MAML2: variants seen among roughly 807,000 people sequenced by gnomAD.
MAML2 encodes the protein mastermind-like protein 2.
A neutral mutation model predicts 96.1 loss-of-function variants in MAML2; 22 were observed. That is an observed-to-expected ratio of 0.23 (90% CI 0.16 to 0.33). MAML2 has a LOEUF of 0.33. Ranked by LOEUF, MAML2 falls within the 10% of genes least tolerant of loss-of-function variation. The pLI is 1.00. For synonymous variants in MAML2, 561 were observed against 521.3 expected (o/e 1.08, Z -1.04); for missense variants, 1,367 against 1,392.4 (o/e 0.98, Z 0.29).
At chr11:96,246,788 AT>A (rs1473275515) in intron 1 of MAML2, among the ~76,000 whole-genome samples, 2 of 152,088 alleles carry the variant, frequency 1.3e-5, no homozygotes, top group Non-Finnish European at 2.9e-5. Flanking sequence ...AATGTAATAT[AT>A]ACAGTTTGAG....
chr11:96,105,834 T>G (rs148709855), intron 1 of MAML2, among the ~76,000 whole-genome samples: 81 of 151,502 alleles, frequency 5.3e-4, no homozygotes, highest in African/African-American at 1.9e-3. Flanking sequence ...ACTAGCTCTA[T>G]GAAATATGAA....
At chr11:96,145,749 T>TACTTTGGGAGGCCCAAA (rs1860805119) in intron 1 of MAML2, among the ~76,000 whole-genome samples, 2 of 152,234 alleles carry the variant, frequency 1.3e-5, no homozygotes, top group African/African-American at 4.8e-5. Flanking sequence ...GGCTCATGCT[T>TACTTTGGGAGGCCCAAA]GTAATCCCAG....
Position 96,299,060 on chromosome 11 carries a change from A to AATATATATATATATAT in MAML2, c.513+42307_513+42322dup, listed in dbSNP as rs1555037073. On this transcript the variant is annotated intron_variant, in intron 1 of 4. Coordinates refer to ENST00000524717, the MANE Select transcript of MAML2 (RefSeq NM_032427.4). ...AGTCCATCTCAAAAAAAAAAAAAAA[A>AATATATATATATATAT]ATATATATATATATATATATAAAAT... Among the ~76,000 whole-genome samples, 154 of 56,230 alleles carry AATATATATATATATAT rather than the reference A, an allele frequency of 2.7e-3. 1 individual carries two copies. Among genetic ancestry groups the AATATATATATATATAT allele is most frequent in the East Asian group, 0.013 (20 of 1,588 alleles). 36.9% of individuals were successfully genotyped at this position (56,230 alleles called of 152,430 possible).
At chr11:96,016,680 A>G (rs12576664) in intron 2 of MAML2, among the ~76,000 whole-genome samples, 1,599 of 152,332 alleles carry the variant, frequency 0.01, 19 homozygotes, top group East Asian at 0.049. Flanking sequence ...TCATATAAAC[A>G]CAAATATGCA....
chr11:96,058,202 G>T (rs915686934), intron 2 of MAML2, among the ~76,000 whole-genome samples: 38 of 152,204 alleles, frequency 2.5e-4, no homozygotes, highest in African/African-American at 8.7e-4. Context: ...ATGCCTTCTG[G>T]CAAGCTGGCC....
rs1026238673 is a variant in MAML2 at position 96,073,469 on chromosome 11, C to A, written c.2139+18423G>T. Among the ~76,000 whole-genome samples the A allele has an allele frequency of 9.2e-5, 14 of 152,004 alleles. No individual in the cohort carries two copies. In the East Asian group the frequency reaches 2.5e-3, roughly 27 times the overall value. ...CCAAGTAGCTGGGACTACAGGCGCCCGCCACCATGCCTGGCTAATTTTTTG... is the reference window on the plus strand; with the variant it reads ...CCAAGTAGCTGGGACTACAGGCGCCAGCCACCATGCCTGGCTAATTTTTTG... On this transcript the variant is annotated intron_variant, in intron 2 of 4. Coordinates refer to ENST00000524717, the MANE Select transcript of MAML2 (RefSeq NM_032427.4).
At chr11:96,228,851 G>A (rs886359519) in intron 1 of MAML2, among the ~76,000 whole-genome samples, 1 of 152,164 alleles carries the variant, frequency 6.6e-6, no homozygotes, top group Non-Finnish European at 1.5e-5. Flanking sequence ...GCAGATATGG[G>A]CATTGAGAGC....
intron 1 of MAML2, among the ~76,000 whole-genome samples, chr11:96,274,490 A>G (rs975755292): frequency 2.6e-5 from 4 of 152,164 alleles, no homozygotes; most frequent in Non-Finnish European, 5.9e-5. Flanking sequence ...TCTGTTAACT[A>G]TAAAGTTTTA....
chr11:96,111,718 A>G (rs1232873360), intron 1 of MAML2, among the ~76,000 whole-genome samples: 1 of 152,266 alleles, frequency 6.6e-6, no homozygotes, highest in Non-Finnish European at 1.5e-5. Context: ...ATAATTAAAG[A>G]AAAGCTTTGA....
chr11:96,312,968 G>C (rs1376160685), intron 1 of MAML2, among the ~76,000 whole-genome samples: 1 of 152,192 alleles, frequency 6.6e-6, no homozygotes, highest in African/African-American at 2.4e-5. Context: ...TCATTGGGAA[G>C]ACAACTATAT....
At position 96,106,980 on chromosome 11, in the gene MAML2, C is replaced by CTTTTTTTTTTTTTTTTT. The variant is rs71040129; in HGVS notation, c.514-13464_514-13463insAAAAAAAAAAAAAAAAA. Among the ~76,000 whole-genome samples the CTTTTTTTTTTTTTTTTT allele has an allele frequency of 3.1e-4, 28 of 90,316 alleles. 1 individual carries two copies. Among genetic ancestry groups the CTTTTTTTTTTTTTTTTT allele is most frequent in the East Asian group, 1.9e-3 (5 of 2,588 alleles). The allele number at this position is 90,316 out of a possible 152,430, so 59.3% of individuals were successfully genotyped here. A position where few individuals can be genotyped will look rare whatever the true frequency, so the allele number is the denominator to read the frequency against. ...TGCCATTGTAACTATGAAAAGAGTC[C>CTTTTTTTTTTTTTTTTT]TTTTTTTTTTTTTGACCAGTGTATT... On this transcript the variant is annotated intron_variant, in intron 1 of 4. Transcript: ENST00000524717.
At position 96,341,773 on chromosome 11, in the gene MAML2, C is replaced by T. The variant is rs757572949; in HGVS notation, c.123G>A (p.Arg41=). 1.9e-6 allele frequency: 3 copies of T among 1,611,896 alleles called. No homozygotes were observed. The highest frequency in any genetic ancestry group is 3.3e-5 in the Admixed American group (2 of 59,904). ...RVHSAIVERL[R]ARIAVCRQHH... ...GTTGGCGGCAGACAGCGATCCGAGC[C>T]CGGAGGCGCTCCACGATAGCACTGT... Residue 41 remains arginine, a synonymous_variant, in exon 1 of 5, where the codon CGG becomes CGA. Coordinates refer to ENST00000524717, the MANE Select transcript of MAML2 (RefSeq NM_032427.4).
At chr11:96,191,119 G>T (rs1467751620) in intron 1 of MAML2, among the ~76,000 whole-genome samples, 2 of 152,150 alleles carry the variant, frequency 1.3e-5, no homozygotes, top group African/African-American at 4.8e-5. Flanking sequence ...TAAGAAAGAT[G>T]CAAAGAAGTG....
intron 2 of MAML2, among the ~76,000 whole-genome samples, chr11:96,017,685 G>A (rs1246557294): frequency 6.6e-6 from 1 of 152,146 alleles, no homozygotes. Context: ...CATTGGACCT[G>A]GAAGAAGTGA....
intron 1 of MAML2, among the ~76,000 whole-genome samples, chr11:96,217,108 T>C (rs896968776): frequency 3.3e-5 from 5 of 152,214 alleles, no homozygotes; most frequent in African/African-American, 9.6e-5. Flanking sequence ...TCCAACATAC[T>C]TTGCTCAGTG....
At chr11:96,007,874 G>A (rs1338140013) in intron 2 of MAML2, among the ~76,000 whole-genome samples, 2 of 131,776 alleles carry the variant, frequency 1.5e-5, no homozygotes, top group African/African-American at 5.7e-5. Flanking sequence ...TGGGGACTGT[G>A]GTGGGGTGGG....
intron 1 of MAML2, among the ~76,000 whole-genome samples, chr11:96,303,414 T>C (rs920625548): frequency 5.9e-5 from 9 of 152,224 alleles, no homozygotes; most frequent in African/African-American, 2.2e-4. Context: ...TATCTATATA[T>C]AACAATTTTC....
intron 2 of MAML2, among the ~76,000 whole-genome samples, chr11:96,080,782 A>C (rs1436122257): frequency 6.6e-6 from 1 of 152,198 alleles, no homozygotes. Context: ...TGGGAAGTGC[A>C]GGCGTCATAC....
chr11:96,168,097 G>A (rs1042846589), intron 1 of MAML2, among the ~76,000 whole-genome samples: 4 of 152,074 alleles, frequency 2.6e-5, no homozygotes, highest in African/African-American at 9.7e-5. Flanking sequence ...CTGACTACCT[G>A]GGTTCAAACT....
Sources: gnomAD v4.1 joint callset for allele counts (sites outside exome capture counted in the v4.1 genomes callset) on GRCh38, gnomAD v4.1.1 for gene constraint, MANE v1.5 for transcripts, NCBI Gene and HGNC (gene_info 2026-07-23, HGNC 2026-07-21) for gene names.